The following ANKRD42 variants were observed in gnomAD, a reference collection of about 807,000 sequenced individuals.
The protein encoded by ANKRD42 is ankyrin repeat domain-containing protein 42.
A neutral mutation model predicts 51.5 loss-of-function variants in ANKRD42; 43 were observed. That is an observed-to-expected ratio of 0.83 (90% CI 0.65 to 1.08). ANKRD42 has a LOEUF of 1.08. ANKRD42 is among the 50% of genes least tolerant of loss of function. The pLI, the probability that ANKRD42 is intolerant of heterozygous loss-of-function variation, is 0.00. For missense variants in ANKRD42, 608 were observed against 629.3 expected (o/e 0.97, Z 0.36); for synonymous variants, 203 against 213.0 (o/e 0.95, Z 0.41).
chr11:83,233,931 C>T (rs539839187), intron 7 of ANKRD42, among the ~76,000 whole-genome samples: 1 of 152,342 alleles, frequency 6.6e-6, no homozygotes, highest in African/African-American at 2.4e-5. Flanking sequence ...GATCCACCCG[C>T]TTTGGCCTCC....
At chr11:83,220,838 T>C (rs1334947724) in intron 5 of ANKRD42, among the ~76,000 whole-genome samples, 1 of 152,200 alleles carries the variant, frequency 6.6e-6, no homozygotes, top group Non-Finnish European at 1.5e-5. Flanking sequence ...CTTTGAGAGT[T>C]TGATTATTTA....
chr11:83,238,151 T>C (rs1863277006), intron 8 of ANKRD42, among the ~76,000 whole-genome samples: 2 of 152,212 alleles, frequency 1.3e-5, no homozygotes, highest in Admixed American at 1.3e-4. Flanking sequence ...CATTTTCTTC[T>C]AACAGCTGAG....
intron 5 of ANKRD42, 34 bp downstream of exon 5, chr11:83,211,464 A>T: frequency 6.2e-7 from 1 of 1,604,098 alleles, no homozygotes; most frequent in Non-Finnish European, 8.5e-7. Flanking sequence ...TTAGTTTTTC[A>T]TTGATGTAAA....
downstream of ANKRD42, chr11:83,249,103 C>T (rs1017040221): frequency 3.4e-6 from 2 of 581,040 alleles, no homozygotes; most frequent in Admixed American, 6.4e-5. Flanking sequence ...CCATTTATAA[C>T]TCACTGCTTC....
chr11:83,245,706 A>G lies in ANKRD42; in HGVS notation c.1322+82A>G, dbSNP rs151244201. On this transcript the variant is annotated intron_variant, in intron 10 of 10. Coordinates refer to ENST00000533342, the MANE Select transcript of ANKRD42 (RefSeq NM_001300975.2). ...GAGGGTTTGTTGATCAGCAACTTTT[A>G]CTTTCATCTTGCCAAAGGGTGTTAG... The G allele has an allele frequency of 3.5e-5, 49 of 1,412,860 alleles. No homozygotes were observed. In the African/African-American group the frequency reaches 6.2e-4, roughly 18 times the overall value. The allele number at this position is 1,412,860 out of a possible 1,614,324, so 87.5% of individuals were successfully genotyped here.
chr11:83,195,263 A>G (rs1337139667), intron 1 of ANKRD42, among the ~76,000 whole-genome samples: 1 of 152,220 alleles, frequency 6.6e-6, no homozygotes, highest in Non-Finnish European at 1.5e-5. Flanking sequence ...TATTTACTGC[A>G]TATGCCTACT....
chr11:83,216,782 T>C (rs1590982049), intron 5 of ANKRD42, among the ~76,000 whole-genome samples: 1 of 152,206 alleles, frequency 6.6e-6, no homozygotes, highest in Admixed American at 6.5e-5. Context: ...AAGTAAGTTC[T>C]GATGCAGGAA....
chr11:83,234,982 G>A (rs1863183817), intron 7 of ANKRD42, among the ~76,000 whole-genome samples: 1 of 152,184 alleles, frequency 6.6e-6, no homozygotes, highest in Admixed American at 6.5e-5. Flanking sequence ...TCTTTTGCCA[G>A]TAATGGAGGT....
intron 9 of ANKRD42, among the ~76,000 whole-genome samples, chr11:83,242,567 G>GTTTTTTGTTTGTTTGTTTTTTTTTT (rs1863419326): frequency 8.7e-5 from 10 of 115,546 alleles, no homozygotes; most frequent in Admixed American, 3.4e-4. Context: ...TGGTAGTTAA[G>GTTTTTTGTTTGTTTGTTTTTTTTTT]TTTTTTTTTT....
At position 83,245,480 on chromosome 11, in the gene ANKRD42, C is replaced by T. The variant is rs1028114842; in HGVS notation, c.1196-18C>T. ...TGTTATATGTCTAACTAGGTTCCTA[C>T]TCAACTCTGTCTTGCAGTGAGAGCT... is the stretch of plus-strand genomic sequence containing the variant. On this transcript the variant is annotated intron_variant, in intron 9 of 10. Coordinates refer to ENST00000533342, the MANE Select transcript of ANKRD42 (RefSeq NM_001300975.2). The T allele has an allele frequency of 1.3e-6, 2 of 1,534,854 alleles. No homozygotes were observed. The highest frequency in any genetic ancestry group is 2.0e-5 in the Admixed American group (1 of 50,632).
intron 5 of ANKRD42, among the ~76,000 whole-genome samples, chr11:83,216,816 G>T (rs1180825960): frequency 1.3e-5 from 2 of 152,168 alleles, no homozygotes; most frequent in African/African-American, 2.4e-5. Flanking sequence ...ACAGCTTTCT[G>T]AGCCACTACT....
chr11:83,238,778 C>T (rs1439233185), intron 8 of ANKRD42, among the ~76,000 whole-genome samples: 4 of 150,984 alleles, frequency 2.6e-5, no homozygotes, highest in Admixed American at 1.3e-4. Flanking sequence ...TGCTGTGAGC[C>T]GAGATTGTAC....
At chr11:83,203,026 T>C (rs1472267448) in intron 2 of ANKRD42, among the ~76,000 whole-genome samples, 32 of 68,178 alleles carry the variant, frequency 4.7e-4, no homozygotes, top group Non-Finnish European at 8.2e-4. Flanking sequence ...GGTATCGCTC[T>C]TGTTTCCCAG....
At chr11:83,231,145 A>G (rs1007955837) in intron 7 of ANKRD42, among the ~76,000 whole-genome samples, 1 of 152,182 alleles carries the variant, frequency 6.6e-6, no homozygotes, top group Non-Finnish European at 1.5e-5. Flanking sequence ...ACTGTTCTTC[A>G]TAGTGGTTGT....
intron 8 of ANKRD42, among the ~76,000 whole-genome samples, chr11:83,239,390 A>G (rs1428111401): frequency 1.3e-5 from 2 of 151,968 alleles, no homozygotes; most frequent in Non-Finnish European, 2.9e-5. Flanking sequence ...CATTCTCTTA[A>G]TGTCTTTGAA....
chr11:83,216,413 C>A (rs1234772151), intron 5 of ANKRD42, among the ~76,000 whole-genome samples: 1 of 151,904 alleles, frequency 6.6e-6, no homozygotes, highest in Non-Finnish European at 1.5e-5. Flanking sequence ...AGGCTCCACC[C>A]CCTGGGGTTC....
At chr11:83,203,484 C>T (rs1310831436) in intron 2 of ANKRD42, among the ~76,000 whole-genome samples, 1 of 150,956 alleles carries the variant, frequency 6.6e-6, no homozygotes, top group Non-Finnish European at 1.5e-5. Flanking sequence ...ACCCCTGCCT[C>T]CTGGGTTCAA....
At chr11:83,264,153 A>C (rs578106983), downstream of ANKRD42, among the ~76,000 whole-genome samples, 1 of 152,216 alleles carries the variant, frequency 6.6e-6, no homozygotes, top group Non-Finnish European at 1.5e-5. Context: ...TGTTCAATAC[A>C]GTATTGTCCT....
chr11:83,236,208 G>A (rs1863216540), intron 7 of ANKRD42, among the ~76,000 whole-genome samples, 196 bp from the exon 8 acceptor site: 1 of 152,186 alleles, frequency 6.6e-6, no homozygotes, highest in African/African-American at 2.4e-5. Context: ...GAGCACAGTT[G>A]ATTAAATGTT....
Sources: gnomAD v4.1 joint callset for allele counts (sites outside exome capture counted in the v4.1 genomes callset) on GRCh38, gnomAD v4.1.1 for gene constraint, MANE v1.5 for transcripts, NCBI Gene and HGNC (gene_info 2026-07-23, HGNC 2026-07-21) for gene names.